The following PLXNA4 variants were observed in gnomAD, a reference collection of about 807,000 sequenced individuals.
PLXNA4 encodes plexin A4, also known as plexin-A4.
In PLXNA4, 44 loss-of-function variants were observed where a neutral mutation model predicts 191.8. That is an observed-to-expected ratio of 0.23 (90% CI 0.18 to 0.29). PLXNA4 has a LOEUF of 0.29. Ranked by LOEUF, PLXNA4 falls within the 10% of genes least tolerant of loss-of-function variation. PLXNA4 has a pLI of 1.00. For synonymous variants in PLXNA4, 1,082 were observed against 1,009.5 expected (o/e 1.07, Z -1.36); for missense variants, 1,800 against 2,488.8 (o/e 0.72, Z 5.89).
chr7:132,381,911 C>A (rs550755063), intron 3 of PLXNA4, among the ~76,000 whole-genome samples: 1 of 152,296 alleles, frequency 6.6e-6, no homozygotes, highest in South Asian at 2.1e-4. Flanking sequence ...ATCTGTGCAC[C>A]CCCGCAGGCT....
At chr7:132,171,753 T>C (rs1389561272) in intron 21 of PLXNA4, among the ~76,000 whole-genome samples, 1 of 152,152 alleles carries the variant, frequency 6.6e-6, no homozygotes, top group Non-Finnish European at 1.5e-5. Flanking sequence ...GCATGGGTCT[T>C]AGAAGCAGAG....
In PLXNA4 at chr7:132,140,697, G is replaced by A. The variant is rs1291309790; in HGVS notation, c.5340C>T (p.Asp1780=). 1.2e-6 allele frequency: 2 copies of A among 1,614,172 alleles called. No homozygotes were observed. Among genetic ancestry groups the A allele is most frequent in the Admixed American group, 1.7e-5 (1 of 60,024 alleles). ...CLSVVAQTFM[D]SCSTSEHRLG... is the part of the protein sequence containing the mutation. The stretch of plus-strand genomic sequence containing the variant: ...GCCGGTGCTCTGACGTGGAGCAAGA[G>A]TCCATGAAGGTCTGAGCCACCACAG... Residue 1780 remains aspartate (D), a synonymous_variant, in exon 30 of 32, where the codon GAC becomes GAT. Coordinates refer to ENST00000321063, the MANE Select transcript of PLXNA4 (RefSeq NM_020911.2).
intron 3 of PLXNA4, among the ~76,000 whole-genome samples, chr7:132,317,386 G>T (rs1801986411): frequency 6.6e-6 from 1 of 151,694 alleles, no homozygotes; most frequent in East Asian, 1.9e-4. Flanking sequence ...GATTGAGTTG[G>T]GTTGGATTGG....
At chr7:132,417,450 A>T (rs970625683) in intron 3 of PLXNA4, among the ~76,000 whole-genome samples, 1 of 152,276 alleles carries the variant, frequency 6.6e-6, no homozygotes, top group Non-Finnish European at 1.5e-5. Context: ...TTTGAGACTC[A>T]GTGAAAAATC....
rs542678119 is a variant in PLXNA4, at chr7:132,206,151, A to T, written c.2299-2732T>A. 3.7e-4 allele frequency among the ~76,000 whole-genome samples: 57 copies of T among 152,316 alleles called. 2 individuals carry two copies. In the South Asian group the frequency reaches 0.012, roughly 32 times the overall value. ...TCCAAGTCTTAGTTTCCCCATTGGT[A>T]AAGTGGGAATTCAAAGCAGTACACA... is the stretch of plus-strand genomic sequence containing the variant. On this transcript the variant is annotated intron_variant, in intron 10 of 31. Transcript: ENST00000321063.
At chr7:132,270,694 A>G (rs890242902) in intron 4 of PLXNA4, among the ~76,000 whole-genome samples, 2 of 152,258 alleles carry the variant, frequency 1.3e-5, no homozygotes, top group African/African-American at 4.8e-5. Flanking sequence ...ATGTACAGGC[A>G]GAATCATTTA....
intron 4 of PLXNA4, among the ~76,000 whole-genome samples, chr7:132,249,410 C>T (rs984308096): frequency 6.6e-6 from 1 of 152,178 alleles, no homozygotes; most frequent in Non-Finnish European, 1.5e-5. Flanking sequence ...GTGCCGACGC[C>T]GGAATCATCA....
intron 10 of PLXNA4, among the ~76,000 whole-genome samples, chr7:132,208,640 A>G (rs1797702542): frequency 6.6e-6 from 1 of 152,142 alleles, no homozygotes; most frequent in African/African-American, 2.4e-5. Flanking sequence ...AGAAATGACC[A>G]CTGTGTCCTG....
intron 2 of PLXNA4, among the ~76,000 whole-genome samples, chr7:132,505,270 C>T (rs79182592): frequency 0.039 from 5,870 of 152,360 alleles, 154 homozygotes; most frequent in South Asian, 0.064. Context: ...GTGTTAGGAC[C>T]TGCAGCTCTG....
At chr7:132,191,273 A>C (rs1301130565) in intron 14 of PLXNA4, among the ~76,000 whole-genome samples, 1 of 152,184 alleles carries the variant, frequency 6.6e-6, no homozygotes, top group Non-Finnish European at 1.5e-5. Context: ...TGGGAAAAGG[A>C]AGACTCTGGG....
intron 2 of PLXNA4, among the ~76,000 whole-genome samples, chr7:132,588,821 AAG>A (rs538508497): frequency 2.0e-5 from 3 of 151,562 alleles, no homozygotes; most frequent in Admixed American, 1.3e-4. Flanking sequence ...AAAAGAAAGA[AAG>A]AGGAAGGAGG....
chr7:132,496,692 A>G (rs1798026461), intron 2 of PLXNA4, among the ~76,000 whole-genome samples: 2 of 152,108 alleles, frequency 1.3e-5, no homozygotes, highest in African/African-American at 4.8e-5. Context: ...GAGCTACCAC[A>G]CCTGGCTAAA....
intron 3 of PLXNA4, among the ~76,000 whole-genome samples, chr7:132,369,981 T>C (rs1016554711): frequency 4.0e-5 from 6 of 149,150 alleles, no homozygotes; most frequent in African/African-American, 1.5e-4. Context: ...GGCAGGAGCA[T>C]GGCATGAACC....
intron 1 of PLXNA4, among the ~76,000 whole-genome samples, chr7:132,573,807 T>A (rs147118991): frequency 6.6e-6 from 1 of 152,306 alleles, no homozygotes; most frequent in African/African-American, 2.4e-5. Context: ...GACCCATGCC[T>A]AGTGCTCACA....
intron 3 of PLXNA4, among the ~76,000 whole-genome samples, chr7:132,447,143 T>G (rs1191080795): frequency 6.6e-6 from 1 of 152,170 alleles, no homozygotes; most frequent in Non-Finnish European, 1.5e-5. Flanking sequence ...CCGGTTGATT[T>G]CACCTTAGAG....
chr7:132,460,794 A>G (rs995764697), intron 3 of PLXNA4, among the ~76,000 whole-genome samples: 1 of 152,164 alleles, frequency 6.6e-6, no homozygotes, highest in African/African-American at 2.4e-5. Flanking sequence ...AAACAAAAGC[A>G]GAGGGGGGAT....
intron 1 of PLXNA4, among the ~76,000 whole-genome samples, chr7:132,562,455 TCTC>T (rs142567425): frequency 0.41 from 36,158 of 88,652 alleles, 9,108 homozygotes; most frequent in South Asian, 0.56. Context: ...TCCTCCTCCT[TCTC>T]CTCCTCCTCC....
At chr7:132,289,351 A>G (rs1800799116) in intron 4 of PLXNA4, among the ~76,000 whole-genome samples, 2 of 152,100 alleles carry the variant, frequency 1.3e-5, no homozygotes, top group Non-Finnish European at 2.9e-5. Context: ...TGGAGTGTTT[A>G]TCACCTGCTA....
chr7:132,312,894 T>C (rs11763874), intron 3 of PLXNA4, among the ~76,000 whole-genome samples: 9,834 of 152,266 alleles, frequency 0.065, 421 homozygotes, highest in African/African-American at 0.11. Context: ...GAGGGGTCCA[T>C]GGCTACTCAC....
Sources: allele counts gnomAD v4.1 joint callset (sites outside exome capture counted in the v4.1 genomes callset), GRCh38; gene constraint gnomAD v4.1.1; transcripts MANE v1.5; gene names NCBI Gene and HGNC (gene_info 2026-07-23, HGNC 2026-07-21).